The following CTR9 variants were observed in gnomAD, a reference collection of about 807,000 sequenced individuals.
CTR9 encodes CTR9 component of Paf1/RNA polymerase II complex, also known as RNA polymerase-associated protein CTR9 homolog.
A neutral mutation model predicts 152.1 loss-of-function variants in CTR9; 41 were observed. That is an observed-to-expected ratio of 0.27 (90% CI 0.21 to 0.35). The LOEUF (loss-of-function observed/expected upper bound fraction) is 0.35, where lower values mean the gene tolerates loss of function less well. Ranked by LOEUF, CTR9 falls within the 10% of genes least tolerant of loss-of-function variation. The pLI, the probability that CTR9 is intolerant of heterozygous loss-of-function variation, is 1.00. For missense variants in CTR9, 917 were observed against 1,424.4 expected (o/e 0.64, Z 5.73); for synonymous variants, 476 against 496.2 (o/e 0.96, Z 0.54).
Position 10,763,782 on chromosome 11 carries a change from A to C in CTR9, c.1097A>C (p.Lys366Thr). 6.2e-7 allele frequency: 1 copy of C among 1,614,008 alleles called. No individual in the cohort carries two copies. The highest frequency in any genetic ancestry group is 8.5e-7 in the Non-Finnish European group (1 of 1,179,954). ...GAAAATGCATCTCAGTGCTTTGAGA[A>C]GGTTTTGAAAGCTTATCCTAATAAT... is the stretch of plus-strand genomic sequence containing the variant. ...DKENASQCFE[K>T]VLKAYPNNYE... is the part of the protein sequence containing the mutation. The change falls in exon 9 of 25, where the codon AAG (lysine) becomes ACG (threonine). Residue 366 changes from lysine (K) to threonine (T), a missense_variant. Lys to Thr is a moderately conservative substitution (Grantham distance 78). Transcript: ENST00000361367.
chr11:10,759,702 A>C (rs1862946033), intron 5 of CTR9, among the ~76,000 whole-genome samples: 1 of 152,242 alleles, frequency 6.6e-6, no homozygotes, highest in South Asian at 2.1e-4. Context: ...TCTAGTGACC[A>C]GTATGGTGAT....
chr11:10,759,639 G>GA (rs1862944901), intron 5 of CTR9, among the ~76,000 whole-genome samples: 2 of 151,950 alleles, frequency 1.3e-5, no homozygotes, highest in Non-Finnish European at 2.9e-5. Context: ...CCAGTAGAGA[G>GA]AAAAAATAGG....
intron 1 of CTR9, among the ~76,000 whole-genome samples, chr11:10,752,133 T>G (rs991550763): frequency 3.3e-5 from 5 of 152,214 alleles, no homozygotes; most frequent in African/African-American, 1.2e-4. Context: ...GGTATAAAAT[T>G]CAGTGGTTTT....
chr11:10,756,790 G>T lies in CTR9; in HGVS notation c.544G>T (p.Ala182Ser). Residue 182 changes from alanine to serine, a missense_variant, in exon 5 of 25, where the codon GCT becomes TCT. Physicochemically the swap from Ala to Ser is moderately conservative, Grantham distance 99. Coordinates refer to ENST00000361367, the MANE Select transcript of CTR9 (RefSeq NM_014633.5). ...ISFNKKDYRG[A>S]LAYYKKALRT... is the part of the protein sequence containing the mutation. The stretch of plus-strand genomic sequence containing the variant: ...CTTCAACAAGAAGGATTACAGAGGA[G>T]CTCTTGCTTACTATAAGAAAGCATT... 1 of 1,611,790 alleles carries T rather than the reference G, an allele frequency of 6.2e-7. No homozygotes were observed. The highest frequency in any genetic ancestry group is 8.5e-7 in the Non-Finnish European group (1 of 1,179,432).
rs1863292439 is a variant in CTR9, at chr11:10,779,184, G to A, written c.*79G>A. ...AAGCTGTGATAAAAATGTTTCAGAT[G>A]TTTAGTCAATTGTGAAATTTTTCTT... On this transcript the variant is annotated 3_prime_UTR_variant, in exon 25 of 25. Transcript: ENST00000361367. 4.9e-6 allele frequency: 7 copies of A among 1,419,914 alleles called. No homozygotes were observed. The highest frequency in any genetic ancestry group is 2.5e-5 in the Admixed American group (1 of 40,440). 88.0% of individuals were successfully genotyped at this position (1,419,914 alleles called of 1,614,324 possible).
At chr11:10,759,236 G>A (rs1471983953) in intron 5 of CTR9, among the ~76,000 whole-genome samples, 2 of 152,208 alleles carry the variant, frequency 1.3e-5, no homozygotes, top group Non-Finnish European at 2.9e-5. Flanking sequence ...GAAGATAATA[G>A]CCAGAGGTAT....
At chr11:10,769,419 A>G (rs1863108346) in intron 16 of CTR9, among the ~76,000 whole-genome samples, 2 of 152,170 alleles carry the variant, frequency 1.3e-5, no homozygotes, top group Non-Finnish European at 2.9e-5. Context: ...AAAGTAGACA[A>G]AAAGAGCAGT....
intron 2 of CTR9, among the ~76,000 whole-genome samples, chr11:10,754,314 C>G (rs1280785376): frequency 1.3e-5 from 2 of 152,168 alleles, no homozygotes; most frequent in Non-Finnish European, 2.9e-5. Flanking sequence ...CTATTGTTTT[C>G]TCTCTTAGGC....
Position 10,767,743 on chromosome 11 carries a change from A to G in CTR9, c.1687-63A>G. 7.3e-7 allele frequency: 1 copy of G among 1,371,494 alleles called. No individual in the cohort carries two copies. Among genetic ancestry groups the G allele is most frequent in the Non-Finnish European group, 1.0e-6 (1 of 966,442 alleles). 85.0% of individuals were successfully genotyped at this position (1,371,494 alleles called of 1,614,324 possible). A position where few individuals can be genotyped will look rare whatever the true frequency, so the allele number is the denominator to read the frequency against. ...CTCTTCAGTAATCAGCTATTGTGGG[A>G]AGATGATTGATCTCTGTCAAACTAA... On this transcript the variant is annotated intron_variant, in intron 13 of 24. Coordinates refer to ENST00000361367, the MANE Select transcript of CTR9 (RefSeq NM_014633.5). This position sits in a 1 kb window ranked among gnomAD's most constrained non-coding sequence, Gnocchi z 4.0.
intron 4 of CTR9, among the ~76,000 whole-genome samples, chr11:10,756,348 A>G (rs532330668): frequency 7.7e-4 from 117 of 152,270 alleles, no homozygotes; most frequent in African/African-American, 2.7e-3. Flanking sequence ...TTATTTCATC[A>G]CTTAGGTATT....
intron 11 of CTR9, 52 bp from the exon 12 acceptor site, chr11:10,764,496 T>C: frequency 6.2e-7 from 1 of 1,603,072 alleles, no homozygotes; most frequent in Non-Finnish European, 8.5e-7. Flanking sequence ...CACACCTTTT[T>C]AAAAAGTGTA....
intron 12 of CTR9, 147 bp downstream of exon 12, chr11:10,764,878 T>C (rs1159278173): frequency 5.8e-6 from 4 of 686,474 alleles, no homozygotes; most frequent in Non-Finnish European, 9.3e-6. Context: ...TTTGTGGCCT[T>C]AAAACAAAGG....
At chr11:10,766,381 A>G in intron 12 of CTR9, 21 bp from the exon 13 acceptor site, 1 of 1,571,374 alleles carries the variant, frequency 6.4e-7, no homozygotes, top group South Asian at 1.2e-5. Context: ...GGGATATAAA[A>G]ACTTTTAAAT....
At chr11:10,755,527 A>T in intron 3 of CTR9, 151 bp from the exon 4 acceptor site, 1 of 577,500 alleles carries the variant, frequency 1.7e-6, no homozygotes, top group Non-Finnish European at 3.0e-6. Flanking sequence ...CTTATTTTGT[A>T]ATTAAGAATT....
chr11:10,755,267 TAGC>T, intron 3 of CTR9, 70 bp downstream of exon 3: 1 of 1,508,462 alleles, frequency 6.6e-7, no homozygotes, highest in Non-Finnish European at 8.9e-7. Flanking sequence ...ATGTGTGTGA[TAGC>T]AGATTTTTTG....
chr11:10,764,403 C>T lies in CTR9; in HGVS notation c.1380C>T (p.Leu460=), dbSNP rs375046521. The change falls in exon 11 of 25, where the codon CTC becomes CTT. Residue 460 remains leucine, a synonymous_variant. Coordinates refer to ENST00000361367, the MANE Select transcript of CTR9 (RefSeq NM_014633.5). The part of the protein sequence containing the change: ...PPEILNNVGA[L]HFRLGNLGEA... ...AGATTCTCAATAATGTGGGTGCCCTCCATTTTAGACTTGGAAACCTAGGGG... is the reference window on the plus strand; with the variant it reads ...AGATTCTCAATAATGTGGGTGCCCTTCATTTTAGACTTGGAAACCTAGGGG... 6.2e-7 allele frequency: 1 copy of T among 1,613,842 alleles called. No individual in the cohort carries two copies. The highest frequency in any genetic ancestry group is 1.3e-5 in the African/African-American group (1 of 74,846).
chr11:10,778,487 T>C (rs1385311409), intron 24 of CTR9, among the ~76,000 whole-genome samples, 192 bp from the exon 25 acceptor site: 1 of 152,198 alleles, frequency 6.6e-6, no homozygotes, highest in Non-Finnish European at 1.5e-5. Flanking sequence ...TAAACCTTTT[T>C]GAGTTGTGAA....
chr11:10,774,201 C>G, intron 22 of CTR9, 32 bp downstream of exon 22: 1 of 1,571,254 alleles, frequency 6.4e-7, no homozygotes. Context: ...TTTAAGTAAC[C>G]TCATAAAAGT....
At position 10,775,318 on chromosome 11, in the gene CTR9, C is replaced by G; in HGVS notation, c.2982+15C>G. The stretch of plus-strand genomic sequence containing the variant: ...AGAAAAAGGCTGTAAGTTTATAGTA[C>G]TGTGTTTTTCTGTCCCCTAGTAGAT... On this transcript the variant is annotated intron_variant, in intron 23 of 24. Coordinates refer to ENST00000361367, the MANE Select transcript of CTR9 (RefSeq NM_014633.5). The G allele has an allele frequency of 6.3e-7, 1 of 1,599,636 alleles. No homozygotes were observed. The highest frequency in any genetic ancestry group is 8.6e-7 in the Non-Finnish European group (1 of 1,167,664).
Sources: gnomAD v4.1 joint callset for allele counts (sites outside exome capture counted in the v4.1 genomes callset) on GRCh38, gnomAD v4.1.1 for gene constraint, Gnocchi (gnomAD v3.1) non-coding constraint, MANE v1.5 for transcripts, NCBI Gene and HGNC (gene_info 2026-07-23, HGNC 2026-07-21) for gene names.